ASTN2: variants seen among roughly 807,000 people sequenced by gnomAD.
The protein encoded by ASTN2 is astrotactin-2.
In ASTN2, 54 loss-of-function variants were observed where a neutral mutation model predicts 139.8. The ratio of observed to expected loss-of-function variants is 0.39; its 90% CI spans 0.31 to 0.48. The LOEUF is 0.48. Ranked by LOEUF, ASTN2 falls within the 20% of genes least tolerant of loss-of-function variation. The pLI is 0.95. For missense variants in ASTN2, 1,565 were observed against 1,725.1 expected, an observed-to-expected ratio of 0.91 and a Z score of 1.64; for synonymous variants, 756 against 719.5, an observed-to-expected ratio of 1.05 and a Z score of -0.81.
At chr9:116,508,063 AT>A (rs1850188800) in intron 19 of ASTN2, among the ~76,000 whole-genome samples, 1 of 151,468 alleles carries the variant, frequency 6.6e-6, no homozygotes. Context: ...TAATTTTGTA[AT>A]TTTTTTAGTA....
At chr9:117,187,397 G>A (rs1484660975) in intron 3 of ASTN2, among the ~76,000 whole-genome samples, 1 of 152,068 alleles carries the variant, frequency 6.6e-6, no homozygotes, top group Non-Finnish European at 1.5e-5. Context: ...AAATAATGAT[G>A]TGCTATGGTT....
intron 2 of ASTN2, among the ~76,000 whole-genome samples, chr9:117,247,462 C>A (rs150947064): frequency 6.6e-6 from 1 of 152,306 alleles, no homozygotes; most frequent in African/African-American, 2.4e-5. Context: ...TAGCCTCTCT[C>A]ATCTGCAGTT....
chr9:116,723,147 AGACT>A (rs147596894), intron 16 of ASTN2, among the ~76,000 whole-genome samples: 10,033 of 152,038 alleles, frequency 0.066, 411 homozygotes, highest in East Asian at 0.14. Context: ...CCTGGGTGAC[AGACT>A]GAGACTCCGT....
chr9:117,246,380 G>A (rs1231421612), intron 2 of ASTN2, among the ~76,000 whole-genome samples: 2 of 152,168 alleles, frequency 1.3e-5, no homozygotes, highest in African/African-American at 4.8e-5. Flanking sequence ...ATTATGCACA[G>A]TGCAAATCCT....
chr9:117,060,434 G>GGA (rs201093555), intron 5 of ASTN2, among the ~76,000 whole-genome samples: 2,497 of 69,662 alleles, frequency 0.036, 448 homozygotes, highest in African/African-American at 0.11. Flanking sequence ...AAGGAAGGAA[G>GGA]AGAGAGAGAG....
chr9:117,289,843 G>A (rs1313353307), intron 2 of ASTN2, among the ~76,000 whole-genome samples: 1 of 152,130 alleles, frequency 6.6e-6, no homozygotes, highest in Non-Finnish European at 1.5e-5. Context: ...TAACACAAAG[G>A]CCTTGATTTG....
chr9:116,783,077 A>G (rs1830261856), intron 13 of ASTN2, among the ~76,000 whole-genome samples: 1 of 152,202 alleles, frequency 6.6e-6, no homozygotes, highest in South Asian at 2.1e-4. Flanking sequence ...CTGTCCTAGT[A>G]AAACTAGGAT....
intron 6 of ASTN2, among the ~76,000 whole-genome samples, chr9:117,011,406 G>C (rs894116893): frequency 6.6e-6 from 1 of 152,170 alleles, no homozygotes; most frequent in Non-Finnish European, 1.5e-5. Context: ...CACCATGTGA[G>C]AACACAGGGA....
At chr9:116,603,755 A>C (rs1855036045) in intron 19 of ASTN2, among the ~76,000 whole-genome samples, 1 of 152,172 alleles carries the variant, frequency 6.6e-6, no homozygotes, top group Non-Finnish European at 1.5e-5. Flanking sequence ...GCCTGGAAGG[A>C]GATTCTGGTG....
At chr9:117,407,433 A>G (rs1054092375) in intron 1 of ASTN2, among the ~76,000 whole-genome samples, 2 of 152,218 alleles carry the variant, frequency 1.3e-5, no homozygotes, top group African/African-American at 2.4e-5. Context: ...TTGTAATTGT[A>G]GTAGAGAGAA....
chr9:117,031,051 G>A (rs1487496298), intron 6 of ASTN2, among the ~76,000 whole-genome samples: 1 of 152,122 alleles, frequency 6.6e-6, no homozygotes, highest in East Asian at 1.9e-4. Flanking sequence ...CCTCCCCTAT[G>A]GGGGTTCTGA....
intron 16 of ASTN2, among the ~76,000 whole-genome samples, chr9:116,688,069 C>T (rs76973802): frequency 0.12 from 17,738 of 151,680 alleles, 1,190 homozygotes; most frequent in Middle Eastern, 0.19. Context: ...GAGATGGGGG[C>T]TCAGATTGAG....
At chr9:117,280,248 C>A (rs1834293517) in intron 2 of ASTN2, among the ~76,000 whole-genome samples, 1 of 152,148 alleles carries the variant, frequency 6.6e-6, no homozygotes, top group African/African-American at 2.4e-5. Flanking sequence ...TCAGTGGATT[C>A]ATAACGTCAA....
At chr9:116,844,957 T>C (rs1303801532) in intron 11 of ASTN2, among the ~76,000 whole-genome samples, 2 of 152,166 alleles carry the variant, frequency 1.3e-5, no homozygotes, top group African/African-American at 4.8e-5. Flanking sequence ...CCCACACTTC[T>C]ATGAGATTGC....
intron 10 of ASTN2, among the ~76,000 whole-genome samples, chr9:116,949,620 G>A (rs752220906): frequency 6.6e-6 from 1 of 152,140 alleles, no homozygotes; most frequent in Non-Finnish European, 1.5e-5. Context: ...GACTTTTAGG[G>A]GTACAAGGTC....
chr9:116,885,625 C>T (rs1205199606), intron 10 of ASTN2, among the ~76,000 whole-genome samples: 1 of 152,150 alleles, frequency 6.6e-6, no homozygotes, highest in Non-Finnish European at 1.5e-5. Flanking sequence ...AAGATCATGC[C>T]ACTGCACTCC....
intron 10 of ASTN2, among the ~76,000 whole-genome samples, chr9:116,965,926 A>G (rs1236336780): frequency 6.6e-6 from 1 of 152,198 alleles, no homozygotes; most frequent in African/African-American, 2.4e-5. Flanking sequence ...AATGGGAGAT[A>G]AAAATAGCTT....
intron 2 of ASTN2, among the ~76,000 whole-genome samples, chr9:117,268,727 C>T (rs558977207): frequency 6.6e-6 from 1 of 152,316 alleles, no homozygotes; most frequent in Admixed American, 6.5e-5. Flanking sequence ...AAAGCTCTGA[C>T]AGATCGGGGT....
intron 16 of ASTN2, among the ~76,000 whole-genome samples, chr9:116,665,507 A>G (rs920414879): frequency 2.0e-5 from 3 of 152,224 alleles, no homozygotes; most frequent in Non-Finnish European, 4.4e-5. Flanking sequence ...CCTAGAAATA[A>G]TGATAATGTA....
Sources: allele counts gnomAD v4.1 joint callset (sites outside exome capture counted in the v4.1 genomes callset), GRCh38; gene constraint gnomAD v4.1.1; transcripts MANE v1.5; gene names NCBI Gene and HGNC (gene_info 2026-07-23, HGNC 2026-07-21).